The following DNAJC11 variants were observed in gnomAD, a reference collection of about 807,000 sequenced individuals.
DNAJC11 encodes the protein dnaJ homolog subfamily C member 11.
DNAJC11 carries 15 observed loss-of-function variants against 78.6 expected under a neutral mutation model. That is an observed-to-expected ratio of 0.19 (90% CI 0.13 to 0.29). DNAJC11 has a LOEUF of 0.29. Ranked by LOEUF, DNAJC11 falls within the 10% of genes least tolerant of loss-of-function variation. The pLI is 1.00. For missense variants in DNAJC11, 547 were observed against 709.6 expected (o/e 0.77, Z 2.60); for synonymous variants, 292 against 272.1 (o/e 1.07, Z -0.72).
intron 3 of DNAJC11, among the ~76,000 whole-genome samples, chr1:6,670,211 A>G: frequency 6.6e-6 from 1 of 152,002 alleles, no homozygotes. Flanking sequence ...GCCCGCCCAG[A>G]TTATTTTTTA....
chr1:6,636,482 A>G (rs1641770980), intron 14 of DNAJC11, among the ~76,000 whole-genome samples: 1 of 152,206 alleles, frequency 6.6e-6, no homozygotes, highest in Non-Finnish European at 1.5e-5. Flanking sequence ...GGGTGCCAGG[A>G]ACTCTCTGGC....
intron 4 of DNAJC11, among the ~76,000 whole-genome samples, chr1:6,658,414 G>GTA (rs993948601): frequency 3.9e-5 from 6 of 152,196 alleles, no homozygotes; most frequent in African/African-American, 1.4e-4. Context: ...TCACCGCAAT[G>GTA]TATATAGTGA....
chr1:6,671,329 G>A (rs1157835878), intron 3 of DNAJC11, among the ~76,000 whole-genome samples: 1 of 152,244 alleles, frequency 6.6e-6, no homozygotes, highest in East Asian at 1.9e-4. Context: ...TGCAAGCTCC[G>A]CCTCCCGGGT....
chr1:6,634,821 CT>C lies in DNAJC11; in HGVS notation c.*853del. ...CACGGGCCGGGCCTGGGGTCCACGCCTTTGGGTTGGGTGTGTCTGATGTCTT... is the reference window on the plus strand; with the variant it reads ...CACGGGCCGGGCCTGGGGTCCACGCCTTGGGTTGGGTGTGTCTGATGTCTT... On this transcript the variant is annotated 3_prime_UTR_variant, in exon 16 of 16. Coordinates refer to ENST00000377577, the MANE Select transcript of DNAJC11 (RefSeq NM_018198.4). The C allele has an allele frequency of 7.9e-7, 1 of 1,262,382 alleles. No individual in the cohort carries two copies. Among genetic ancestry groups the C allele is most frequent in the Non-Finnish European group, 1.0e-6 (1 of 966,832 alleles). The allele number at this position is 1,262,382 out of a possible 1,614,324, so 78.2% of individuals were successfully genotyped here. A position where few individuals can be genotyped will look rare whatever the true frequency, so the allele number is the denominator to read the frequency against.
Position 6,698,118 on chromosome 1 carries a change from T to C in DNAJC11, c.72+3611A>G, listed in dbSNP as rs1025427815. Among the ~76,000 whole-genome samples, 40 of 152,312 alleles carry C rather than the reference T, an allele frequency of 2.6e-4. 1 individual carries two copies. The highest frequency in any genetic ancestry group is 9.6e-4 in the African/African-American group (40 of 41,574). On this transcript the variant is annotated intron_variant, in intron 1 of 15. Transcript: ENST00000377577. Reference sequence around the variant, plus strand: ...CTTATAATTTTAAAGTAGGATTCCCTGGTTTTGTCTAGAATTGTTTCCATT... The same window carrying C: ...CTTATAATTTTAAAGTAGGATTCCCCGGTTTTGTCTAGAATTGTTTCCATT...
chr1:6,638,714 T>TG (rs918109072), intron 11 of DNAJC11, among the ~76,000 whole-genome samples: 31 of 152,284 alleles, frequency 2.0e-4, no homozygotes, highest in African/African-American at 7.2e-4. Flanking sequence ...AAGATAGAGA[T>TG]GGGGGTCTCA....
In DNAJC11 at chr1:6,634,644, G is replaced by C; in HGVS notation, c.*1031C>G. The C allele has an allele frequency of 7.3e-7, 1 of 1,366,518 alleles. No homozygotes were observed. The highest frequency in any genetic ancestry group is 1.1e-5 in the South Asian group (1 of 87,998). 84.6% of individuals were successfully genotyped at this position (1,366,518 alleles called of 1,614,324 possible). A position where few individuals can be genotyped will look rare whatever the true frequency, so the allele number is the denominator to read the frequency against. On this transcript the variant is annotated 3_prime_UTR_variant, in exon 16 of 16. Transcript: ENST00000377577. ...CTTTACTGCAGCCGAGGTCCAGGCC[G>C]TGGAGGGGGTCCTAGCTCCGCTGCA... is the stretch of plus-strand genomic sequence containing the variant.
chr1:6,665,417 G>A (rs1204526616), intron 4 of DNAJC11, among the ~76,000 whole-genome samples: 1 of 152,076 alleles, frequency 6.6e-6, no homozygotes, highest in Non-Finnish European at 1.5e-5. Context: ...TCAGGACAAG[G>A]ATGTTTGCTC....
intron 1 of DNAJC11, among the ~76,000 whole-genome samples, chr1:6,697,809 A>AT (rs60554870): frequency 0.5 from 74,311 of 148,466 alleles, 18,796 homozygotes; most frequent in Admixed American, 0.6. Context: ...TATGCTTATA[A>AT]TTTTTTTTTT....
In DNAJC11 at chr1:6,645,587, C is replaced by T. The variant is rs192366768; in HGVS notation, c.894+202G>A. 3.3e-5 allele frequency among the ~76,000 whole-genome samples: 5 copies of T among 152,204 alleles called. No homozygotes were observed. Among genetic ancestry groups the T allele is most frequent in the East Asian group, 1.9e-4 (1 of 5,192 alleles). On this transcript the variant is annotated intron_variant, in intron 8 of 15. Transcript: ENST00000377577. The surrounding 1 kb of genome is among the most constrained non-coding windows in gnomAD (Gnocchi z 4.1). ...GATGATCCAACAAAGCTGCCCCAGG[C>T]GCCTGAAGGCAACTGCATTTCATAC...
intron 3 of DNAJC11, among the ~76,000 whole-genome samples, chr1:6,673,360 T>G (rs1193722102): frequency 6.6e-6 from 1 of 151,142 alleles, no homozygotes; most frequent in Non-Finnish European, 1.5e-5. Context: ...AAAAGCTAGG[T>G]GGCATAATGG....
chr1:6,701,579 G>A, intron 1 of DNAJC11, 150 bp downstream of exon 1: 1 of 726,338 alleles, frequency 1.4e-6, no homozygotes. Context: ...GCCTCCATCG[G>A]GCGGCTGGCG....
At chr1:6,647,434 G>A (rs998014913) in intron 7 of DNAJC11, among the ~76,000 whole-genome samples, 1 of 152,148 alleles carries the variant, frequency 6.6e-6, no homozygotes, top group Non-Finnish European at 1.5e-5. Context: ...TAACTCCATC[G>A]TAAATCAAGG....
intron 1 of DNAJC11, among the ~76,000 whole-genome samples, chr1:6,699,825 C>G (rs1024495505): frequency 6.6e-6 from 1 of 152,148 alleles, no homozygotes; most frequent in Admixed American, 6.5e-5. Flanking sequence ...CCCCCAGGTG[C>G]CCTATGGCAG....
intron 4 of DNAJC11, among the ~76,000 whole-genome samples, chr1:6,664,303 GA>G (rs1188398847): frequency 2.0e-5 from 3 of 150,692 alleles, no homozygotes; most frequent in African/African-American, 7.3e-5. Context: ...GCAGTGGTGC[GA>G]TCTCAGCTCA....
chr1:6,634,969 C>T lies in DNAJC11; in HGVS notation c.*706G>A. ...AGCCCGCTGGTGGCAGGGCGTTTTC[C>T]CACCGGGATACGGGAAGCCACCTGT... is the stretch of plus-strand genomic sequence containing the variant. On this transcript the variant is annotated 3_prime_UTR_variant, in exon 16 of 16. Transcript: ENST00000377577. 1 of 924,400 alleles carries T rather than the reference C, an allele frequency of 1.1e-6. No homozygotes were observed. The highest frequency in any genetic ancestry group is 1.7e-5 in the African/African-American group (1 of 57,868). The allele number at this position is 924,400 out of a possible 1,614,324, so 57.3% of individuals were successfully genotyped here.
intron 7 of DNAJC11, among the ~76,000 whole-genome samples, chr1:6,646,937 T>C (rs1641974814): frequency 6.6e-6 from 1 of 151,722 alleles, no homozygotes; most frequent in Admixed American, 6.6e-5. Flanking sequence ...GGCAAATTGC[T>C]TCACCCCAGG....
chr1:6,691,912 C>G (rs996635411), intron 1 of DNAJC11, among the ~76,000 whole-genome samples: 1 of 152,192 alleles, frequency 6.6e-6, no homozygotes, highest in Non-Finnish European at 1.5e-5. Flanking sequence ...AAAATATATG[C>G]TATTTTATTT....
intron 1 of DNAJC11, among the ~76,000 whole-genome samples, chr1:6,687,712 C>A (rs540254872): frequency 6.6e-6 from 1 of 152,146 alleles, no homozygotes; most frequent in African/African-American, 2.4e-5. Context: ...TCCTGCTCAA[C>A]GCCCCCCTTC....
Sources: gnomAD v4.1 joint callset for allele counts (sites outside exome capture counted in the v4.1 genomes callset) on GRCh38, gnomAD v4.1.1 for gene constraint, Gnocchi (gnomAD v3.1) non-coding constraint, MANE v1.5 for transcripts, NCBI Gene and HGNC (gene_info 2026-07-23, HGNC 2026-07-21) for gene names.